The following BLOC1S5 variants were observed in gnomAD, a reference collection of about 807,000 sequenced individuals.
BLOC1S5 encodes the protein biogenesis of lysosomal organelles complex 1 subunit 5.
Under a neutral mutation model 24.3 loss-of-function variants are expected in BLOC1S5, and 27 were observed. That is an observed-to-expected ratio of 1.11 (90% confidence interval 0.82 to 1.53). BLOC1S5 has a LOEUF of 1.53. Ranked by LOEUF, BLOC1S5 falls within the 40% of genes most tolerant of loss-of-function variation. The probability of loss-of-function intolerance (pLI) is 0.00; values close to 1 mark genes in which losing one functional copy is unlikely to be tolerated. For missense variants in BLOC1S5, 239 were observed against 229.4 expected (o/e 1.04, Z -0.27); for synonymous variants, 84 against 74.5 (o/e 1.13, Z -0.66).
rs951983544 is a variant in BLOC1S5 at position 8,015,393 on chromosome 6, A to C, written c.*256T>G. ...AGATGATCAATTCTGACTAACAAAG[A>C]GTATATTGATTCCATTTTCCTTCCT... On this transcript the variant is annotated 3_prime_UTR_variant, in exon 5 of 5. Transcript: ENST00000397457. The C allele has an allele frequency of 2.7e-5, 11 of 403,596 alleles. No homozygotes were observed. Among genetic ancestry groups the C allele is most frequent in the African/African-American group, 2.2e-4 (11 of 49,398 alleles). The allele number at this position is 403,596 out of a possible 1,614,324, so 25.0% of individuals were successfully genotyped here.
At position 8,057,283 on chromosome 6, in the gene BLOC1S5, C is replaced by CA. The variant is rs1484674319; in HGVS notation, c.195+5250dup. Among the ~76,000 whole-genome samples the CA allele has an allele frequency of 2.6e-5, 4 of 152,214 alleles. No homozygotes were observed. In the East Asian group the frequency reaches 7.7e-4, roughly 29 times the overall value. Reference sequence around the variant, plus strand: ...CCAAAAAACCCATGACACTATTATACAAAAAAGACGTTAGAAAGTCTCTTC... The same window carrying CA: ...CCAAAAAACCCATGACACTATTATACAAAAAAAGACGTTAGAAAGTCTCTTC... On this transcript the variant is annotated intron_variant, in intron 2 of 4. Transcript: ENST00000397457.
At chr6:8,054,418 G>A in intron 2 of BLOC1S5, 1 of 310,254 alleles carries the variant, frequency 3.2e-6, no homozygotes, top group Non-Finnish European at 6.3e-6. Context: ...TTGTTAGGTA[G>A]AAGTCTCTCT....
chr6:8,030,689 T>C (rs1025293153), intron 3 of BLOC1S5, among the ~76,000 whole-genome samples: 4 of 151,024 alleles, frequency 2.6e-5, no homozygotes, highest in African/African-American at 9.7e-5. Context: ...CTGAACAACA[T>C]GGTGAAACCC....
At chr6:8,059,138 C>T (rs1764429884) in intron 2 of BLOC1S5, among the ~76,000 whole-genome samples, 1 of 152,192 alleles carries the variant, frequency 6.6e-6, no homozygotes, top group African/African-American at 2.4e-5. Flanking sequence ...GATACTATTA[C>T]ATTAATACTC....
At chr6:8,053,934 A>AATCCAAAATCTGAAATG (rs1707953737) in intron 2 of BLOC1S5, among the ~76,000 whole-genome samples, 1 of 78,880 alleles carries the variant, frequency 1.3e-5, no homozygotes, top group Non-Finnish European at 3.4e-5. Context: ...TTAACTCGAA[A>AATCCAAAATCTGAAATG]ATCCAAAATC....
intron 4 of BLOC1S5, chr6:8,017,850 TCA>T (rs1246796354): frequency 1.3e-5 from 2 of 152,220 alleles, no homozygotes; most frequent in Non-Finnish European, 2.9e-5. Flanking sequence ...GCCTTTTCTA[TCA>T]CAGAGTGCAA....
chr6:8,027,190 T>C (rs1763137321), intron 3 of BLOC1S5: 1 of 314,154 alleles, frequency 3.2e-6, no homozygotes, highest in Admixed American at 4.1e-5. Flanking sequence ...TTTCTGTTCA[T>C]AAATGTTCTT....
At chr6:8,029,518 C>T (rs981806969) in intron 3 of BLOC1S5, among the ~76,000 whole-genome samples, 1 of 152,212 alleles carries the variant, frequency 6.6e-6, no homozygotes, top group African/African-American at 2.4e-5. Context: ...CGAGGGCAGA[C>T]ATATCCTCAA....
intron 2 of BLOC1S5, among the ~76,000 whole-genome samples, chr6:8,043,934 T>C (rs1016591751): frequency 2.6e-5 from 4 of 152,166 alleles, no homozygotes; most frequent in Admixed American, 2.6e-4. Context: ...GATGGGCTTA[T>C]CAGGGGTTTC....
rs564188816 is a variant in BLOC1S5, at chr6:8,017,297, G to A, written c.385-1469C>T. On this transcript the variant is annotated intron_variant, in intron 4 of 4. Transcript: ENST00000397457. Reference sequence around the variant, plus strand: ...AAAAACCTAGAAGTTCGAATTGCTTGAACCTGAGAGGCGGAGGTTGCAGTG... The same window carrying A: ...AAAAACCTAGAAGTTCGAATTGCTTAAACCTGAGAGGCGGAGGTTGCAGTG... Among the ~76,000 whole-genome samples the A allele has an allele frequency of 2.1e-3, 319 of 152,264 alleles. 2 individuals are homozygous for A. Among genetic ancestry groups the A allele is most frequent in the Admixed American group, 6.8e-3 (104 of 15,276 alleles).
At chr6:8,050,470 A>C (rs1012030680) in intron 2 of BLOC1S5, among the ~76,000 whole-genome samples, 5 of 152,152 alleles carry the variant, frequency 3.3e-5, no homozygotes, top group Admixed American at 3.3e-4. Flanking sequence ...ATAAAGAGTC[A>C]TAAATCTCTG....
chr6:8,028,119 T>C (rs1177675015), intron 3 of BLOC1S5, among the ~76,000 whole-genome samples: 7 of 152,176 alleles, frequency 4.6e-5, no homozygotes, highest in African/African-American at 1.7e-4. Context: ...TTTACAATTA[T>C]GTCTTCCTAC....
At chr6:8,022,564 C>T (rs997439526) in intron 4 of BLOC1S5, among the ~76,000 whole-genome samples, 2 of 135,010 alleles carry the variant, frequency 1.5e-5, no homozygotes, top group Admixed American at 7.7e-5. Flanking sequence ...TATTTTCAAA[C>T]TCTATTTTTT....
chr6:8,027,021 T>C (rs1471446703), intron 3 of BLOC1S5, among the ~76,000 whole-genome samples: 2 of 152,216 alleles, frequency 1.3e-5, no homozygotes, highest in Admixed American at 1.3e-4. Flanking sequence ...AAGGAGGTTA[T>C]AAAACTAATA....
At chr6:8,034,483 T>C (rs1023673743) in intron 3 of BLOC1S5, among the ~76,000 whole-genome samples, 2 of 151,600 alleles carry the variant, frequency 1.3e-5, no homozygotes, top group Admixed American at 6.6e-5. Context: ...TGTCGGCGGG[T>C]GGAGGGCTGG....
chr6:8,063,788 G>A (rs1757342724), intron 1 of BLOC1S5, among the ~76,000 whole-genome samples: 2 of 152,174 alleles, frequency 1.3e-5, no homozygotes, highest in African/African-American at 4.8e-5. Flanking sequence ...TTCTGAACGT[G>A]AATGGTTCTT....
rs540786455 is a variant in BLOC1S5, at chr6:8,062,829, T to C, written c.113-213A>G. On this transcript the variant is annotated intron_variant, in intron 1 of 4. Coordinates refer to ENST00000397457, the MANE Select transcript of BLOC1S5 (RefSeq NM_201280.3). Reference sequence around the variant, plus strand: ...TCAGTATTCAATAAAGTTGCAGACATGTATACCTAGCATTTTCATGCCTAG... The same window carrying C: ...TCAGTATTCAATAAAGTTGCAGACACGTATACCTAGCATTTTCATGCCTAG... Among the ~76,000 whole-genome samples, 29 of 152,334 alleles carry C rather than the reference T, an allele frequency of 1.9e-4. No individual in the cohort carries two copies. The South Asian group carries it at 5.4e-3, about 28-fold the overall frequency.
intron 1 of BLOC1S5, 54 bp from the exon 2 acceptor site, chr6:8,062,670 T>C (rs1757305963): frequency 1.7e-6 from 2 of 1,211,344 alleles, no homozygotes; most frequent in Non-Finnish European, 2.4e-6. Context: ...GCATAATCTC[T>C]AGCTTGTTTT....
At chr6:8,038,508 G>A (rs779993394) in intron 3 of BLOC1S5, among the ~76,000 whole-genome samples, 188 of 149,514 alleles carry the variant, frequency 1.3e-3, no homozygotes, top group Non-Finnish European at 1.9e-3. Context: ...AATTATTGAC[G>A]GAGTCTCACT....
Sources: allele counts gnomAD v4.1 joint callset (sites outside exome capture counted in the v4.1 genomes callset), GRCh38; gene constraint gnomAD v4.1.1; transcripts MANE v1.5; gene names NCBI Gene and HGNC (gene_info 2026-07-23, HGNC 2026-07-21).